The following ATXN10 variants were observed in gnomAD, a reference collection of about 807,000 sequenced individuals.
The protein encoded by ATXN10 is ataxin 10.
ATXN10 carries 28 observed loss-of-function variants against 52.9 expected under a neutral mutation model. That is an observed-to-expected ratio of 0.53 (90% CI 0.39 to 0.73). The LOEUF is 0.73. ATXN10 is among the 30% of genes least tolerant of loss of function. The pLI, the probability that ATXN10 is intolerant of heterozygous loss-of-function variation, is 0.00. For missense variants in ATXN10, 565 were observed against 577.0 expected (o/e 0.98, Z 0.21); for synonymous variants, 226 against 221.5 (o/e 1.02, Z -0.18).
At chr22:45,810,820 C>T (rs12165498) in intron 10 of ATXN10, among the ~76,000 whole-genome samples, 31,964 of 151,974 alleles carry the variant, frequency 0.21, 3,812 homozygotes, top group African/African-American at 0.31. Context: ...GAGAATTGTT[C>T]AGTTATCTTT....
At chr22:45,827,022 CAG>C (rs1269259959) in intron 10 of ATXN10, among the ~76,000 whole-genome samples, 2 of 151,806 alleles carry the variant, frequency 1.3e-5, no homozygotes, top group Non-Finnish European at 2.9e-5. Context: ...AAGGAGTAAA[CAG>C]AGCTTTAAAG....
At chr22:45,796,293 C>T (rs570626362) in intron 9 of ATXN10, among the ~76,000 whole-genome samples, 4 of 152,344 alleles carry the variant, frequency 2.6e-5, no homozygotes, top group East Asian at 1.9e-4. Flanking sequence ...TGACTGCTCT[C>T]GAACCCTATT....
In ATXN10 at chr22:45,837,007, G is replaced by A. The variant is rs1482329453; in HGVS notation, c.1238-5984G>A. On this transcript the variant is annotated intron_variant, in intron 10 of 11. Coordinates refer to ENST00000252934, the MANE Select transcript of ATXN10 (RefSeq NM_013236.4). The surrounding 1 kb of genome is among the most constrained non-coding windows in gnomAD (Gnocchi z 5.8). ...TGTGCGCCCCTCCCTGCTCCACAGC[G>A]TACTTTGGAAAGCCCTGCAGCACAC... Among the ~76,000 whole-genome samples the A allele has an allele frequency of 6.6e-6, 1 of 152,266 alleles. No individual in the cohort carries two copies. Among genetic ancestry groups the A allele is most frequent in the East Asian group, 1.9e-4 (1 of 5,172 alleles).
chr22:45,751,765 ATAATAATAAT>A (rs1925981353), intron 9 of ATXN10, among the ~76,000 whole-genome samples: 13 of 76,362 alleles, frequency 1.7e-4, no homozygotes, highest in African/African-American at 7.6e-4. Flanking sequence ...TAAAAAAAAA[ATAATAATAAT>A]AATAATAATA....
intron 7 of ATXN10, among the ~76,000 whole-genome samples, chr22:45,737,485 C>G (rs962260086): frequency 3.9e-5 from 6 of 152,092 alleles, no homozygotes; most frequent in South Asian, 4.1e-4. Context: ...TAGATTTTCC[C>G]ACTTAACTCT....
At chr22:45,689,607 G>A in intron 1 of ATXN10, 105 bp from the exon 2 acceptor site, 3 of 944,882 alleles carry the variant, frequency 3.2e-6, no homozygotes, top group East Asian at 2.5e-5. Context: ...GCAGATAAAC[G>A]TAGCGTACCT....
At position 45,696,433 on chromosome 22, in the gene ATXN10, T is replaced by C. The variant is rs1399234442; in HGVS notation, c.391+3355T>C. On this transcript the variant is annotated intron_variant, in intron 3 of 11. Transcript: ENST00000252934. The surrounding 1 kb of genome is among the most constrained non-coding windows in gnomAD (Gnocchi z 4.7). Reference sequence around the variant, plus strand: ...GAAGGAGGTTTCTCTTTTAATGATATATGCTAAATAAAGAAGCAAAGGGGA... The same window carrying C: ...GAAGGAGGTTTCTCTTTTAATGATACATGCTAAATAAAGAAGCAAAGGGGA... Among the ~76,000 whole-genome samples the C allele has an allele frequency of 1.3e-5, 2 of 152,218 alleles. No homozygotes were observed. The highest frequency in any genetic ancestry group is 2.4e-5 in the African/African-American group (1 of 41,446).
chr22:45,685,418 C>T (rs925378083), intron 1 of ATXN10, among the ~76,000 whole-genome samples: 24 of 152,236 alleles, frequency 1.6e-4, no homozygotes, highest in African/African-American at 4.3e-4. Context: ...AAGTACTTTC[C>T]GCCTTCTGTG....
rs780339280 is a variant in ATXN10 at position 45,689,721 on chromosome 22, A to T, written c.126A>T (p.Ala42=). Reference sequence around the variant, plus strand: ...TTTTATCCTTTTTCAGAGAAACAGCACCCAGGACTATCTTCCAAAGAGTTC... The same window carrying T: ...TTTTATCCTTTTTCAGAGAAACAGCTCCCAGGACTATCTTCCAAAGAGTTC... ...LFKEQRNRET[A]PRTIFQRVLD... Residue 42 remains alanine, a synonymous_variant, in exon 2 of 12, where the codon GCA becomes GCT. Coordinates refer to ENST00000252934, the MANE Select transcript of ATXN10 (RefSeq NM_013236.4). 1 of 1,614,038 alleles carries T rather than the reference A, an allele frequency of 6.2e-7. No homozygotes were observed. The highest frequency in any genetic ancestry group is 8.5e-7 in the Non-Finnish European group (1 of 1,179,906).
Position 45,689,863 on chromosome 22 carries a change from A to G in ATXN10, c.268A>G (p.Asn90Asp). The G allele has an allele frequency of 6.2e-7, 1 of 1,614,204 alleles. No homozygotes were observed. Among genetic ancestry groups the G allele is most frequent in the Non-Finnish European group, 8.5e-7 (1 of 1,180,030 alleles). ...LITECFRCLR[N>D]ACIECSVNQN... ...AACAGAATGCTTCAGGTGTCTTCGC[A>G]ATGCTTGCATAGAGTGTTCTGTGAA... Residue 90 changes from asparagine (N) to aspartate (D), a missense_variant, in exon 2 of 12, where the codon AAT becomes GAT. Physicochemically the swap from Asn to Asp is conservative, Grantham distance 23 (BLOSUM62 1). Coordinates refer to ENST00000252934, the MANE Select transcript of ATXN10 (RefSeq NM_013236.4).
intron 5 of ATXN10, 89 bp downstream of exon 5, chr22:45,702,936 G>C: frequency 5.3e-6 from 8 of 1,505,466 alleles, no homozygotes; most frequent in Non-Finnish European, 6.4e-6. Flanking sequence ...TTTGGACATT[G>C]TGATAATTGA....
chr22:45,812,026 C>G (rs997547785), intron 10 of ATXN10, among the ~76,000 whole-genome samples: 1 of 152,158 alleles, frequency 6.6e-6, no homozygotes, highest in Non-Finnish European at 1.5e-5. Context: ...CCCAGGCACA[C>G]CTACGTTTTT....
intron 1 of ATXN10, chr22:45,679,658 G>T (rs144750389): frequency 1.3e-5 from 2 of 152,294 alleles, no homozygotes; most frequent in Non-Finnish European, 2.9e-5. Context: ...ACGCCATATG[G>T]CGTTTTGACT....
At chr22:45,692,354 T>G (rs1262620742) in intron 2 of ATXN10, among the ~76,000 whole-genome samples, 1 of 152,308 alleles carries the variant, frequency 6.6e-6, no homozygotes, top group Admixed American at 6.5e-5. Context: ...AACTTATGGT[T>G]GGGCGGAAAT....
chr22:45,702,491 A>G (rs1477878675), intron 4 of ATXN10, among the ~76,000 whole-genome samples, 198 bp from the exon 5 acceptor site: 1 of 152,172 alleles, frequency 6.6e-6, no homozygotes, highest in African/African-American at 2.4e-5. Flanking sequence ...TTCAACTTTA[A>G]TATTTTGGAT....
rs1477183871 is a variant in ATXN10, at chr22:45,775,472, GT to G, written c.1174-31485del. On this transcript the variant is annotated intron_variant, in intron 9 of 11. Coordinates refer to ENST00000252934, the MANE Select transcript of ATXN10 (RefSeq NM_013236.4). The surrounding 1 kb of genome is among the most constrained non-coding windows in gnomAD (Gnocchi z 4.7). ...TTCCATATTTAGTTGTCTTTATTCT[GT>G]TCAAACATTTTCTTGTTTACTTGTT... is the stretch of plus-strand genomic sequence containing the variant. Among the ~76,000 whole-genome samples the G allele has an allele frequency of 6.6e-6, 1 of 152,150 alleles. No individual in the cohort carries two copies. The highest frequency in any genetic ancestry group is 2.4e-5 in the African/African-American group (1 of 41,436).
At position 45,749,074 on chromosome 22, in the gene ATXN10, G is replaced by A. The variant is rs539851426; in HGVS notation, c.1173+8536G>A. ...AATTATATAATTGCAATGTAACAGC[G>A]TACTATTGTCGATAACCATTACTAT... On this transcript the variant is annotated intron_variant, in intron 9 of 11. Coordinates refer to ENST00000252934, the MANE Select transcript of ATXN10 (RefSeq NM_013236.4). 5.3e-5 allele frequency among the ~76,000 whole-genome samples: 8 copies of A among 152,226 alleles called. No individual in the cohort carries two copies. In the South Asian group the frequency reaches 1.2e-3, roughly 24 times the overall value.
intron 9 of ATXN10, among the ~76,000 whole-genome samples, chr22:45,768,059 T>G (rs912322482): frequency 2.0e-5 from 3 of 152,166 alleles, no homozygotes; most frequent in Non-Finnish European, 2.9e-5. Flanking sequence ...CCCTTAAAGT[T>G]TGAGTTGGAA....
chr22:45,755,001 T>C (rs751243841), intron 9 of ATXN10, among the ~76,000 whole-genome samples: 6 of 152,232 alleles, frequency 3.9e-5, no homozygotes, highest in Non-Finnish European at 8.8e-5. Context: ...CAGGACTGAC[T>C]GGCTGTCTCT....
Sources: gnomAD v4.1 joint callset for allele counts (sites outside exome capture counted in the v4.1 genomes callset) on GRCh38, gnomAD v4.1.1 for gene constraint, Gnocchi (gnomAD v3.1) non-coding constraint, MANE v1.5 for transcripts, NCBI Gene and HGNC (gene_info 2026-07-23, HGNC 2026-07-21) for gene names.